MS4A6A: variants seen among roughly 807,000 people sequenced by gnomAD.
MS4A6A encodes the protein membrane-spanning 4-domains subfamily A member 6A.
Under a neutral mutation model 20.6 loss-of-function variants are expected in MS4A6A, and 19 were observed. The ratio of observed to expected loss-of-function variants is 0.92; its 90% CI spans 0.64 to 1.36. The LOEUF is 1.36. MS4A6A is among the 40% of genes most tolerant of loss of function. The pLI, the probability that MS4A6A is intolerant of heterozygous loss-of-function variation, is 0.00. For synonymous variants in MS4A6A, 108 were observed against 105.0 expected, an observed-to-expected ratio of 1.03 and a Z score of -0.17; for missense variants, 272 against 261.1, an observed-to-expected ratio of 1.04 and a Z score of -0.29.
chr11:60,179,506 TAAAA>T, intron 3 of MS4A6A: 1 of 580,270 alleles, frequency 1.7e-6, no homozygotes, highest in Non-Finnish European at 3.0e-6. Context: ...TTTTTTTGTA[TAAAA>T]TGTTCCTTCC....
intron 1 of MS4A6A, 104 bp downstream of exon 1, chr11:60,182,874 A>G (rs1409783239): frequency 2.1e-6 from 1 of 480,524 alleles, no homozygotes; most frequent in Non-Finnish European, 3.1e-6. Flanking sequence ...AAAAGGCCCT[A>G]GTGTCTCTTA....
upstream of MS4A6A, chr11:60,184,558 T>G (rs998808042): frequency 3.3e-5 from 5 of 152,328 alleles, no homozygotes; most frequent in African/African-American, 1.2e-4. Flanking sequence ...AAAGGCTCCC[T>G]CTCCAGTCAG....
Position 60,178,073 on chromosome 11 carries a change from C to A in MS4A6A, c.339+187G>T, listed in dbSNP as rs190179213. The A allele has an allele frequency of 5.6e-5, 34 of 603,508 alleles. 1 individual carries two copies. The Admixed American group carries it at 8.2e-4, about 15-fold the overall frequency. 37.4% of individuals were successfully genotyped at this position (603,508 alleles called of 1,614,324 possible). A position where few individuals can be genotyped will look rare whatever the true frequency, so the allele number is the denominator to read the frequency against. On this transcript the variant is annotated intron_variant, in intron 4 of 5. Coordinates refer to ENST00000528851, the MANE Select transcript of MS4A6A (RefSeq NM_022349.4). Reference sequence around the variant, plus strand: ...TGAATGCAGACTTTGATGTAGGGTACAATAATTGGAGAAATGTTCTCTGAA... The same window carrying A: ...TGAATGCAGACTTTGATGTAGGGTAAAATAATTGGAGAAATGTTCTCTGAA...
At chr11:60,173,549 G>GT (rs543947008) in intron 5 of MS4A6A, among the ~76,000 whole-genome samples, 375 of 152,248 alleles carry the variant, frequency 2.5e-3, no homozygotes, top group Middle Eastern at 0.02. Flanking sequence ...TCTAGCTCCT[G>GT]TTTCCTCATG....
intron 4 of MS4A6A, 149 bp downstream of exon 4, chr11:60,178,111 G>T (rs899370291): frequency 2.8e-6 from 2 of 701,894 alleles, no homozygotes. Context: ...AGGATACAGA[G>T]GATCCAGGCC....
chr11:60,181,556 C>T, intron 2 of MS4A6A, 25 bp downstream of exon 2: 1 of 1,613,510 alleles, frequency 6.2e-7, no homozygotes, highest in South Asian at 1.1e-5. Flanking sequence ...CAACCCCTCT[C>T]CAACACGTTC....
At chr11:60,183,108 T>C, upstream of MS4A6A, 1 of 1,532,596 alleles carries the variant, frequency 6.5e-7, no homozygotes, top group Non-Finnish European at 8.7e-7. Context: ...ATTCCAGTGT[T>C]TACAGCTATA....
intron 3 of MS4A6A, chr11:60,179,583 A>G: frequency 1.7e-6 from 1 of 600,870 alleles, no homozygotes; most frequent in South Asian, 2.0e-5. Flanking sequence ...CACTAGCTTC[A>G]TCATAGCTCA....
At position 60,173,012 on chromosome 11, in the gene MS4A6A, C is replaced by T. The variant is rs367715554; in HGVS notation, c.667G>A (p.Gly223Ser). Reference sequence around the variant, plus strand: ...TACACTAGGCAAGGTTAAGTGAAGCCGGCCAGCACACTCACCCCAGGGAAG... The same window carrying T: ...TACACTAGGCAAGGTTAAGTGAAGCTGGCCAGCACACTCACCCCAGGGAAG... The part of the protein sequence containing the change: ...SDFPGVSVLA[G>S]FT Residue 223 changes from glycine to serine, a missense_variant, in exon 6 of 6, where the codon GGC (glycine) becomes AGC (serine). Transcript: ENST00000528851. 25 of 1,613,840 alleles carry T rather than the reference C, an allele frequency of 1.5e-5. No homozygotes were observed. The highest frequency in any genetic ancestry group is 1.6e-4 in the Middle Eastern group (1 of 6,082).
intron 1 of MS4A6A, chr11:60,182,662 G>C (rs979889740): frequency 6.5e-6 from 1 of 152,794 alleles, no homozygotes; most frequent in Admixed American, 6.5e-5. Context: ...GCTAAGCTCA[G>C]CTTGGATCCC....
Position 60,172,856 on chromosome 11 carries a change from C to T in MS4A6A, c.*145G>A. The stretch of plus-strand genomic sequence containing the variant: ...CAGTGAATTTTCAGCTTATCAGCTA[C>T]TCAATTGCCATCTGCTTTTCTTCTC... On this transcript the variant is annotated 3_prime_UTR_variant, in exon 6 of 6. Coordinates refer to ENST00000528851, the MANE Select transcript of MS4A6A (RefSeq NM_022349.4). The T allele has an allele frequency of 1.4e-6, 2 of 1,465,394 alleles. No individual in the cohort carries two copies. The highest frequency in any genetic ancestry group is 1.4e-5 in the South Asian group (1 of 72,252). 90.8% of individuals were successfully genotyped at this position (1,465,394 alleles called of 1,614,324 possible).
chr11:60,178,381 A>T (rs1223848068), intron 3 of MS4A6A, 65 bp from the exon 4 acceptor site: 1 of 1,332,206 alleles, frequency 7.5e-7, no homozygotes. Context: ...CGTCACTATC[A>T]CAATGTTTAT....
intron 4 of MS4A6A, among the ~76,000 whole-genome samples, chr11:60,176,777 A>G (rs779248746): frequency 1.2e-4 from 19 of 152,124 alleles, no homozygotes; most frequent in Non-Finnish European, 2.2e-4. Flanking sequence ...CTCTTCTTCA[A>G]TCTCAAAAAG....
intron 4 of MS4A6A, among the ~76,000 whole-genome samples, chr11:60,175,877 TC>T (rs1856812384): frequency 6.6e-6 from 1 of 152,032 alleles, no homozygotes; most frequent in Admixed American, 6.5e-5. Flanking sequence ...CTAAATTCTT[TC>T]CCCAGGACAG....
chr11:60,178,044 C>T (rs920919584), intron 4 of MS4A6A: 20 of 548,164 alleles, frequency 3.6e-5, no homozygotes, highest in Non-Finnish European at 6.4e-5. Flanking sequence ...ATATTATAAT[C>T]CCCTGAATGC....
downstream of MS4A6A, chr11:60,172,104 T>C: frequency 6.4e-7 from 1 of 1,557,244 alleles, no homozygotes; most frequent in Non-Finnish European, 8.8e-7. Flanking sequence ...AATGGTTAAC[T>C]TTTCCATATT....
Position 60,172,938 on chromosome 11 carries a change from T to G in MS4A6A, c.*63A>C. 1 of 1,604,056 alleles carries G rather than the reference T, an allele frequency of 6.2e-7. No individual in the cohort carries two copies. Among genetic ancestry groups the G allele is most frequent in the Non-Finnish European group, 8.5e-7 (1 of 1,172,728 alleles). On this transcript the variant is annotated 3_prime_UTR_variant, in exon 6 of 6. Coordinates refer to ENST00000528851, the MANE Select transcript of MS4A6A (RefSeq NM_022349.4). Reference sequence around the variant, plus strand: ...TGTGTATCTCATGACTGACTGATTGTTCCTTCTACCACTCTTGGTGACATA... The same window carrying G: ...TGTGTATCTCATGACTGACTGATTGGTCCTTCTACCACTCTTGGTGACATA...
chr11:60,178,432 A>C (rs1590676176), intron 3 of MS4A6A, 116 bp from the exon 4 acceptor site: 1 of 775,750 alleles, frequency 1.3e-6, no homozygotes, highest in East Asian at 2.5e-5. Flanking sequence ...ACCAGTGATC[A>C]ATGAGGTAAG....
intron 3 of MS4A6A, 109 bp from the exon 4 acceptor site, chr11:60,178,425 A>G: frequency 1.2e-6 from 1 of 830,632 alleles, no homozygotes; most frequent in East Asian, 2.5e-5. Context: ...CTGAGAAACC[A>G]GTGATCAATG....
Sources: gnomAD v4.1 joint callset for allele counts (sites outside exome capture counted in the v4.1 genomes callset) on GRCh38, gnomAD v4.1.1 for gene constraint, MANE v1.5 for transcripts, NCBI Gene and HGNC (gene_info 2026-07-23, HGNC 2026-07-21) for gene names.